ROBO2: variants seen among roughly 807,000 people sequenced by gnomAD.
The protein encoded by ROBO2 is roundabout homolog 2.
A neutral mutation model predicts 160.8 loss-of-function variants in ROBO2; 53 were observed. The observed-to-expected ratio is 0.33, with a 90% CI of 0.26 to 0.41. The LOEUF is 0.41. ROBO2 is among the 10% of genes least tolerant of loss of function. The probability of loss-of-function intolerance (pLI) is 1.00; values close to 1 mark genes in which losing one functional copy is unlikely to be tolerated. For missense variants in ROBO2, 1,577 were observed against 1,722.4 expected (o/e 0.92, Z 1.49); for synonymous variants, 664 against 611.7 (o/e 1.09, Z -1.26).
chr3:76,964,515 TG>T lies in ROBO2; in HGVS notation c.110-133498del, dbSNP rs368815556. ...ACGCCACCATGCCCGGCTAATTTTTTGTAGTTTTTAGTAGAGACAGGGTTTT... is the reference window on the plus strand; with the variant it reads ...ACGCCACCATGCCCGGCTAATTTTTTTAGTTTTTAGTAGAGACAGGGTTTT... On this transcript the variant is annotated intron_variant, in intron 2 of 26. Coordinates refer to the ROBO2 transcript ENST00000487694. Among the ~76,000 whole-genome samples the T allele has an allele frequency of 5.1e-4, 77 of 152,244 alleles. No homozygotes were observed. The East Asian group carries it at 9.1e-3, about 18-fold the overall frequency.
chr3:77,151,679 A>G (rs983522593), intron 2 of ROBO2, among the ~76,000 whole-genome samples: 2 of 152,178 alleles, frequency 1.3e-5, no homozygotes, highest in African/African-American at 2.4e-5. Flanking sequence ...CAAGTGCCCA[A>G]CACATTTTTA....
At chr3:77,514,312 G>A (rs1175000028) in intron 5 of ROBO2, among the ~76,000 whole-genome samples, 1 of 151,706 alleles carries the variant, frequency 6.6e-6, no homozygotes, top group African/African-American at 2.4e-5. Context: ...TATACATCAG[G>A]AAAAACATTT....
At chr3:76,680,964 A>T (rs961645010) in intron 2 of ROBO2, among the ~76,000 whole-genome samples, 1 of 151,926 alleles carries the variant, frequency 6.6e-6, no homozygotes, top group Admixed American at 6.6e-5. Context: ...TTTAGTAGAG[A>T]CAGGGTTTCA....
intron 6 of ROBO2, among the ~76,000 whole-genome samples, chr3:77,528,742 T>C (rs1391444803): frequency 6.6e-6 from 1 of 151,668 alleles, no homozygotes; most frequent in Non-Finnish European, 1.5e-5. Context: ...GAGGCATGAC[T>C]TCACATTTCA....
chr3:76,360,554 A>G (rs1399665785), intron 2 of ROBO2, among the ~76,000 whole-genome samples: 1 of 152,132 alleles, frequency 6.6e-6, no homozygotes, highest in African/African-American at 2.4e-5. Context: ...TAGTAAGGGA[A>G]GGAGAGGCAA....
intron 16 of ROBO2, among the ~76,000 whole-genome samples, chr3:77,586,497 A>AT (rs1485859877): frequency 1.3e-5 from 2 of 152,090 alleles, no homozygotes; most frequent in African/African-American, 4.8e-5. Flanking sequence ...ATTTCATTAT[A>AT]TTTTTTTGTC....
Position 77,617,501 on chromosome 3 carries a change from A to G in ROBO2, c.3294-12A>G, listed in dbSNP as rs777788892. 1 of 1,614,074 alleles carries G rather than the reference A, an allele frequency of 6.2e-7. No homozygotes were observed. Among genetic ancestry groups the G allele is most frequent in the South Asian group, 1.1e-5 (1 of 91,078 alleles). On this transcript the variant is annotated splice_polypyrimidine_tract_variant and intron_variant, in intron 21 of 25. Coordinates refer to ENST00000461745, the Ensembl canonical transcript of ROBO2. The stretch of plus-strand genomic sequence containing the variant: ...TTGTGTCAATGTGCATATTTTTCTC[A>G]TTTAATTTCAGCTATGACAGTGATA...
intron 2 of ROBO2, among the ~76,000 whole-genome samples, chr3:76,017,003 AAAAG>A (rs903464012): frequency 7.2e-5 from 11 of 152,178 alleles, no homozygotes; most frequent in Admixed American, 4.6e-4. Flanking sequence ...GTTTCAGAAA[AAAAG>A]AAAGCAGCCT....
At chr3:77,373,119 TAA>T (rs1444101829) in intron 2 of ROBO2, among the ~76,000 whole-genome samples, 2 of 147,006 alleles carry the variant, frequency 1.4e-5, no homozygotes, top group Non-Finnish European at 3.0e-5. Context: ...AAAATTATTA[TAA>T]AAGTTATAAA....
chr3:76,932,318 C>A (rs140120922), intron 2 of ROBO2, among the ~76,000 whole-genome samples: 1 of 152,068 alleles, frequency 6.6e-6, no homozygotes, highest in South Asian at 2.1e-4. Context: ...TAAAAAAGAA[C>A]ATTTATTCCA....
At chr3:77,367,852 A>G (rs908788607) in intron 2 of ROBO2, among the ~76,000 whole-genome samples, 1 of 152,122 alleles carries the variant, frequency 6.6e-6, no homozygotes, top group African/African-American at 2.4e-5. Context: ...CTTTATGTGA[A>G]TATTTGACTA....
At chr3:76,068,687 T>A (rs2107941199) in intron 2 of ROBO2, among the ~76,000 whole-genome samples, 1 of 152,324 alleles carries the variant, frequency 6.6e-6, no homozygotes, top group African/African-American at 2.4e-5. Flanking sequence ...CTTTCTCTGA[T>A]CCTGAGAGCA....
At chr3:76,478,424 A>C (rs2079045901) in intron 2 of ROBO2, among the ~76,000 whole-genome samples, 1 of 151,582 alleles carries the variant, frequency 6.6e-6, no homozygotes, top group Admixed American at 6.6e-5. Flanking sequence ...AATCCAGTCT[A>C]TCATTGTTGG....
At chr3:77,311,757 G>A (rs2063558039) in intron 2 of ROBO2, among the ~76,000 whole-genome samples, 1 of 152,104 alleles carries the variant, frequency 6.6e-6, no homozygotes, top group South Asian at 2.1e-4. Context: ...ATAAACAACT[G>A]TCTCATTCTT....
At chr3:77,288,871 C>A (rs946440920) in intron 2 of ROBO2, among the ~76,000 whole-genome samples, 1 of 151,992 alleles carries the variant, frequency 6.6e-6, no homozygotes, top group Non-Finnish European at 1.5e-5. Flanking sequence ...TATAATTTAC[C>A]AGTACAATCA....
intron 2 of ROBO2, among the ~76,000 whole-genome samples, chr3:77,008,877 C>G (rs2061720838): frequency 6.6e-6 from 1 of 152,100 alleles, no homozygotes; most frequent in Admixed American, 6.6e-5. Flanking sequence ...AACTTTATCC[C>G]TAGCATCTGG....
chr3:76,657,800 ATG>A (rs917854274), intron 2 of ROBO2, among the ~76,000 whole-genome samples: 22 of 147,764 alleles, frequency 1.5e-4, no homozygotes, highest in Non-Finnish European at 2.7e-4. Context: ...GTTCATATAT[ATG>A]TGTGTATATA....
At chr3:77,612,633 C>T (rs1055781880) in intron 21 of ROBO2, among the ~76,000 whole-genome samples, 2 of 152,152 alleles carry the variant, frequency 1.3e-5, no homozygotes, top group African/African-American at 2.4e-5. Flanking sequence ...CACACACACA[C>T]ACAAAATGAC....
chr3:77,233,339 T>A (rs1280536753), intron 2 of ROBO2, among the ~76,000 whole-genome samples: 3 of 152,180 alleles, frequency 2.0e-5, no homozygotes, highest in Non-Finnish European at 2.9e-5. Flanking sequence ...TTTATTTTTG[T>A]CTTCAGCAGT....
Sources: gnomAD v4.1 joint callset for allele counts (sites outside exome capture counted in the v4.1 genomes callset) on GRCh38, gnomAD v4.1.1 for gene constraint, MANE v1.5 for transcripts, NCBI Gene and HGNC (gene_info 2026-07-23, HGNC 2026-07-21) for gene names.